The following UBE2D2 variants were observed in gnomAD, a reference collection of about 807,000 sequenced individuals.
The protein encoded by UBE2D2 is ubiquitin-conjugating enzyme E2 D2.
A neutral mutation model predicts 24.2 loss-of-function variants in UBE2D2; 2 were observed. The observed-to-expected ratio is 0.08, with a 90% confidence interval of 0.03 to 0.26. The LOEUF is 0.26. Ranked by LOEUF, UBE2D2 falls within the 10% of genes least tolerant of loss-of-function variation. The probability of loss-of-function intolerance (pLI) is 1.00; values close to 1 mark genes in which losing one functional copy is unlikely to be tolerated. For missense variants in UBE2D2, 44 were observed against 177.6 expected (o/e 0.25, Z 4.28); for synonymous variants, 58 against 56.5 (o/e 1.03, Z -0.12).
At chr5:139,579,519 C>T (rs1320395665) in intron 1 of UBE2D2, among the ~76,000 whole-genome samples, 1 of 151,834 alleles carries the variant, frequency 6.6e-6, no homozygotes, top group African/African-American at 2.4e-5. Flanking sequence ...GAACTCCTGA[C>T]CTCAAGATGA....
rs149153343 is a variant in UBE2D2 at position 139,600,283 on chromosome 5, CAG to C, written c.25-85_25-84del. ...TCTTAAGAGAGTTTCACCAGCAGGA[CAG>C]AGAATATTGGTAACAATATAAACTT... On this transcript the variant is annotated intron_variant, in intron 1 of 6. Transcript: ENST00000398733. 1.6e-3 allele frequency: 2,121 copies of C among 1,360,764 alleles called. 32 individuals are homozygous for C. The African/African-American group carries it at 0.02, about 13-fold the overall frequency. 84.3% of individuals were successfully genotyped at this position (1,360,764 alleles called of 1,614,324 possible).
chr5:139,579,148 A>G (rs1406010743), intron 1 of UBE2D2, among the ~76,000 whole-genome samples: 1 of 151,084 alleles, frequency 6.6e-6, no homozygotes, highest in Non-Finnish European at 1.5e-5. Flanking sequence ...TTGTATTTTA[A>G]TTTTTTAAAT....
intron 1 of UBE2D2, among the ~76,000 whole-genome samples, chr5:139,555,871 A>G (rs1449047309): frequency 1.5e-5 from 2 of 130,742 alleles, no homozygotes; most frequent in Non-Finnish European, 3.1e-5. Flanking sequence ...GGTTGCAGTG[A>G]GCTGAGATCA....
chr5:139,551,426 A>C (rs1038279045), intron 1 of UBE2D2, among the ~76,000 whole-genome samples: 3 of 152,224 alleles, frequency 2.0e-5, no homozygotes, highest in Non-Finnish European at 2.9e-5. Flanking sequence ...AAGAGGGACA[A>C]TATTTGTCCT....
chr5:139,541,478 T>C (rs920640386), intron 1 of UBE2D2, among the ~76,000 whole-genome samples: 2 of 149,726 alleles, frequency 1.3e-5, no homozygotes, highest in Non-Finnish European at 3.0e-5. Flanking sequence ...TGGGCGCCTG[T>C]AATCCCAGCT....
intron 2 of UBE2D2, among the ~76,000 whole-genome samples, chr5:139,605,086 CCCTCA>C (rs1230899436): frequency 6.6e-6 from 1 of 152,030 alleles, no homozygotes; most frequent in Non-Finnish European, 1.5e-5. Context: ...GTACCCAAAT[CCCTCA>C]GTACCACATG....
At chr5:139,585,886 G>A (rs1440964355) in intron 1 of UBE2D2, among the ~76,000 whole-genome samples, 3 of 135,074 alleles carry the variant, frequency 2.2e-5, no homozygotes, top group African/African-American at 5.6e-5. Context: ...GCAGTGAGTC[G>A]AGATTGTGCC....
At chr5:139,606,059 AGT>A (rs1362585093) in intron 2 of UBE2D2, among the ~76,000 whole-genome samples, 58 of 152,172 alleles carry the variant, frequency 3.8e-4, no homozygotes, top group African/African-American at 1.4e-3. Flanking sequence ...TCTTTTGAAC[AGT>A]TGGTAAATGT....
At chr5:139,605,549 G>A (rs1423774895) in intron 2 of UBE2D2, among the ~76,000 whole-genome samples, 3 of 127,438 alleles carry the variant, frequency 2.4e-5, no homozygotes, top group Non-Finnish European at 1.5e-5. Flanking sequence ...CCAAGATCAC[G>A]CCACTGCACT....
At chr5:139,533,002 G>A (rs1752616298) in intron 1 of UBE2D2, among the ~76,000 whole-genome samples, 1 of 151,814 alleles carries the variant, frequency 6.6e-6, no homozygotes, top group South Asian at 2.1e-4. Context: ...CAGCTACTCG[G>A]GAGGCTGAGG....
chr5:139,562,052 C>A, intron 1 of UBE2D2: 1 of 826,384 alleles, frequency 1.2e-6, no homozygotes, highest in Non-Finnish European at 1.8e-6. Context: ...GGCTGCCCTT[C>A]CAGGCCCGCA....
chr5:139,557,256 C>A (rs192612535), upstream of UBE2D2, among the ~76,000 whole-genome samples: 3 of 152,050 alleles, frequency 2.0e-5, no homozygotes, highest in Admixed American at 1.3e-4. Flanking sequence ...GCCTCAGCCT[C>A]CCAAGTAGCT....
At chr5:139,541,852 G>A (rs1258820296) in intron 1 of UBE2D2, among the ~76,000 whole-genome samples, 17 of 152,074 alleles carry the variant, frequency 1.1e-4, no homozygotes, top group African/African-American at 3.9e-4. Context: ...AGGAGTTGGA[G>A]ACTGGCCTGG....
At chr5:139,581,869 A>G (rs895737002) in intron 1 of UBE2D2, among the ~76,000 whole-genome samples, 4 of 152,038 alleles carry the variant, frequency 2.6e-5, no homozygotes, top group African/African-American at 7.2e-5. Flanking sequence ...GAGTTTCACT[A>G]TGTTGGTCAG....
chr5:139,548,193 A>AAAAAAATAAAAAT, intron 1 of UBE2D2, among the ~76,000 whole-genome samples: 1 of 47,100 alleles, frequency 2.1e-5, no homozygotes, highest in East Asian at 6.6e-4. Flanking sequence ...ATAAAAAAAA[A>AAAAAAATAAAAAT]AAATAAATAA....
At chr5:139,562,113 G>C in intron 1 of UBE2D2, 1 of 1,040,160 alleles carries the variant, frequency 9.6e-7, no homozygotes, top group African/African-American at 1.6e-5. Context: ...CGCTGCACTT[G>C]AGGGCCATTG....
chr5:139,539,615 G>A (rs1316002760), intron 1 of UBE2D2, among the ~76,000 whole-genome samples: 2 of 151,610 alleles, frequency 1.3e-5, no homozygotes, highest in African/African-American at 2.4e-5. Flanking sequence ...TTTTTTAGAC[G>A]GGATCACCGT....
chr5:139,576,219 A>G (rs1020187611), intron 1 of UBE2D2, among the ~76,000 whole-genome samples: 2 of 152,226 alleles, frequency 1.3e-5, no homozygotes, highest in African/African-American at 4.8e-5. Context: ...TTAAAGTAAC[A>G]GAACTATATT....
At chr5:139,604,948 A>T (rs536881221) in intron 2 of UBE2D2, among the ~76,000 whole-genome samples, 1 of 151,758 alleles carries the variant, frequency 6.6e-6, no homozygotes, top group East Asian at 1.9e-4. Flanking sequence ...TACATCAAGT[A>T]TGATTGGATA....
Sources: gnomAD v4.1 joint callset for allele counts (sites outside exome capture counted in the v4.1 genomes callset) on GRCh38, gnomAD v4.1.1 for gene constraint, MANE v1.5 for transcripts, NCBI Gene and HGNC (gene_info 2026-07-23, HGNC 2026-07-21) for gene names.